The following PCDHA7 variants were observed in gnomAD, a reference collection of about 807,000 sequenced individuals.
PCDHA7 encodes the protein protocadherin alpha 7.
In PCDHA7, 37 loss-of-function variants were observed where a neutral mutation model predicts 57.2. The observed-to-expected ratio is 0.65, with a 90% CI of 0.50 to 0.85. The LOEUF (loss-of-function observed/expected upper bound fraction) is 0.85. Ranked by LOEUF, PCDHA7 falls within the 40% of genes least tolerant of loss-of-function variation. The pLI is 0.00. For missense variants in PCDHA7, 1,188 were observed against 1,241.8 expected (o/e 0.96, Z 0.65); for synonymous variants, 553 against 558.8 (o/e 0.99, Z 0.15).
At chr5:140,883,367 G>A (rs782044159) in intron 1 of PCDHA7, 2 of 1,614,124 alleles carry the variant, frequency 1.2e-6, no homozygotes, top group East Asian at 2.2e-5. Context: ...TCAGCCTAGC[G>A]CCATTATTGC....
chr5:140,869,858 T>C (rs1554163543), intron 1 of PCDHA7: 5 of 1,610,642 alleles, frequency 3.1e-6, no homozygotes, highest in East Asian at 4.5e-5. Context: ...GTGAGCCTTA[T>C]GGAAAATGCT....
chr5:140,888,586 C>T (rs1408191600), intron 1 of PCDHA7, among the ~76,000 whole-genome samples: 1 of 152,154 alleles, frequency 6.6e-6, no homozygotes, highest in East Asian at 1.9e-4. Flanking sequence ...TTTGTTAGTA[C>T]ACATTCAGAG....
At chr5:140,842,993 G>C in intron 1 of PCDHA7, 1 of 1,595,048 alleles carries the variant, frequency 6.3e-7, no homozygotes, top group Non-Finnish European at 8.6e-7. Flanking sequence ...CGTGCTGGAC[G>C]AGAATGACAA....
chr5:140,877,089 C>T (rs782771217), intron 1 of PCDHA7: 4 of 1,613,082 alleles, frequency 2.5e-6, no homozygotes, highest in African/African-American at 1.3e-5. Flanking sequence ...GCGCGCGCGA[C>T]GCCGGCGTGC....
intron 1 of PCDHA7, among the ~76,000 whole-genome samples, chr5:140,874,530 G>A (rs1332198120): frequency 1.3e-5 from 2 of 152,200 alleles, no homozygotes; most frequent in Admixed American, 1.3e-4. Flanking sequence ...ATGAGATTAG[G>A]CTCCAAAACC....
chr5:140,966,659 G>T, intron 1 of PCDHA7: 1 of 1,217,656 alleles, frequency 8.2e-7, no homozygotes, highest in South Asian at 2.0e-5. Flanking sequence ...AGCGGTGGGG[G>T]AGCAGGCGCA....
At chr5:141,000,238 G>T (rs111531743) in intron 3 of PCDHA7, among the ~76,000 whole-genome samples, 3 of 151,558 alleles carry the variant, frequency 2.0e-5, no homozygotes, top group African/African-American at 7.3e-5. Flanking sequence ...GCTGAATGTG[G>T]TGGCTGACAC....
chr5:140,882,587 G>C (rs559310344), intron 1 of PCDHA7: 9 of 1,614,256 alleles, frequency 5.6e-6, no homozygotes, highest in Non-Finnish European at 6.8e-6. Flanking sequence ...CATCCACCTG[G>C]AGGTGATCGT....
chr5:140,914,229 TA>T (rs1253173765), intron 1 of PCDHA7, among the ~76,000 whole-genome samples: 3 of 152,224 alleles, frequency 2.0e-5, no homozygotes, highest in Non-Finnish European at 4.4e-5. Flanking sequence ...GCTCTAATAC[TA>T]TTTGCTTTTT....
At chr5:140,891,452 TG>T (rs2063116437) in intron 1 of PCDHA7, among the ~76,000 whole-genome samples, 1 of 150,254 alleles carries the variant, frequency 6.7e-6, no homozygotes, top group Non-Finnish European at 1.5e-5. Flanking sequence ...ATAGGATTTT[TG>T]AATTTGTGAA....
intron 1 of PCDHA7, among the ~76,000 whole-genome samples, chr5:140,896,952 T>G (rs2153454853): frequency 6.6e-6 from 1 of 152,352 alleles, no homozygotes; most frequent in East Asian, 1.9e-4. Context: ...GCCATTCCCT[T>G]AAACATTTAT....
At position 141,011,610 on chromosome 5, in the gene PCDHA7, A is replaced by G. The variant is rs1259686391; in HGVS notation, c.*1673A>G. ...ACTGGTGATTCAAGGAATTTTATTT[A>G]TGGTCCAGCCAAGAGCCATCTCGTG... On this transcript the variant is annotated 3_prime_UTR_variant, in exon 4 of 4. Transcript: ENST00000525929. 6 of 153,722 alleles carry G rather than the reference A, an allele frequency of 3.9e-5. No individual in the cohort carries two copies. Among genetic ancestry groups the G allele is most frequent in the African/African-American group, 1.2e-4 (5 of 41,448 alleles). 9.5% of individuals were successfully genotyped at this position (153,722 alleles called of 1,614,324 possible). A position where few individuals can be genotyped will look rare whatever the true frequency, so the allele number is the denominator to read the frequency against.
intron 3 of PCDHA7, among the ~76,000 whole-genome samples, chr5:141,007,850 C>A (rs1299909821): frequency 6.6e-6 from 1 of 152,156 alleles, no homozygotes; most frequent in Non-Finnish European, 1.5e-5. Context: ...GACTCAAAGT[C>A]CTTAAAGGTC....
intron 1 of PCDHA7, chr5:140,848,367 G>T: frequency 9.1e-7 from 1 of 1,100,452 alleles, no homozygotes; most frequent in Non-Finnish European, 1.3e-6. Context: ...TGGGAAAGAG[G>T]CTCAATTCTT....
intron 2 of PCDHA7, among the ~76,000 whole-genome samples, chr5:140,979,323 T>C (rs2096844622): frequency 6.6e-6 from 1 of 152,180 alleles, no homozygotes; most frequent in Non-Finnish European, 1.5e-5. Context: ...TATGCTTTCT[T>C]TTCCTCCTTT....
At chr5:141,000,120 C>G (rs1554257146) in intron 3 of PCDHA7, among the ~76,000 whole-genome samples, 1 of 152,052 alleles carries the variant, frequency 6.6e-6, no homozygotes, top group African/African-American at 2.4e-5. Flanking sequence ...CCCTCATCCC[C>G]AAGGCTTCAC....
intron 1 of PCDHA7, chr5:140,968,436 C>T (rs1479503016): frequency 3.1e-6 from 5 of 1,613,876 alleles, no homozygotes; most frequent in Non-Finnish European, 3.4e-6. Context: ...AAGGGGAGCC[C>T]ACCACTGAGC....
At chr5:140,927,095 TG>T in intron 1 of PCDHA7, 1 of 1,612,210 alleles carries the variant, frequency 6.2e-7, no homozygotes, top group Non-Finnish European at 8.5e-7. Flanking sequence ...TACTTCGGGG[TG>T]GATCTACCCA....
At chr5:140,841,679 G>A (rs1554138418) in intron 1 of PCDHA7, 3 of 1,613,866 alleles carry the variant, frequency 1.9e-6, no homozygotes, top group South Asian at 1.1e-5. Context: ...TTTCCATGTG[G>A]ACGTGGAGGT....
Sources: allele counts gnomAD v4.1 joint callset (sites outside exome capture counted in the v4.1 genomes callset), GRCh38; gene constraint gnomAD v4.1.1; transcripts MANE v1.5; gene names NCBI Gene and HGNC (gene_info 2026-07-23, HGNC 2026-07-21).